Variants in CCM2L observed in about 807,000 individuals in gnomAD.
The protein encoded by CCM2L is CCM2 like scaffold protein.
Under a neutral mutation model 54.1 loss-of-function variants are expected in CCM2L, and 36 were observed. That is an observed-to-expected ratio of 0.67 (90% CI 0.51 to 0.88). CCM2L has a LOEUF of 0.88. Among genes scored for constraint, CCM2L ranks in the 40% least tolerant of loss-of-function variants. CCM2L has a pLI of 0.00. For missense variants in CCM2L, 700 were observed against 812.1 expected (o/e 0.86, Z 1.68); for synonymous variants, 351 against 359.3 (o/e 0.98, Z 0.26).
chr20:32,013,854 C>T (rs2064715156), intron 1 of CCM2L, among the ~76,000 whole-genome samples: 1 of 152,188 alleles, frequency 6.6e-6, no homozygotes. Flanking sequence ...TTGTTAAGCC[C>T]TAATTGCTGG....
intron 8 of CCM2L, among the ~76,000 whole-genome samples, chr20:32,029,375 A>G (rs2064897215): frequency 6.6e-6 from 1 of 152,082 alleles, no homozygotes; most frequent in African/African-American, 2.4e-5. Context: ...ATTTCTTTTA[A>G]TCTTTTCAAC....
Position 32,019,112 on chromosome 20 carries a change from G to A in CCM2L, c.636G>A (p.Ala212=). Residue 212 remains alanine (A), a synonymous_variant, in exon 5 of 10, where the codon GCG becomes GCA. Transcript: ENST00000452892. ...DWRMGWGGGA[A]EARAGGGGGG... ...GGATGGGGTGGGGTGGGGGCGCCGC[G>A]GAGGCCCGGGCCGGGGGAGGCGGCG... 8.5e-7 allele frequency: 1 copy of A among 1,169,972 alleles called. No homozygotes were observed. Among genetic ancestry groups the A allele is most frequent in the Non-Finnish European group, 1.1e-6 (1 of 947,988 alleles). 72.5% of individuals were successfully genotyped at this position (1,169,972 alleles called of 1,614,324 possible).
chr20:32,018,898 C>CT lies in CCM2L; in HGVS notation c.467-44dup, dbSNP rs1019943992. ...CGGCCTCGGCGGGGCGGGGGGGTCT[C>CT]TGAGTCCCGATCCCCGCGGCTGACG... is the stretch of plus-strand genomic sequence containing the variant. On this transcript the variant is annotated intron_variant, in intron 4 of 9. Transcript: ENST00000452892. The CT allele has an allele frequency of 6.3e-5, 80 of 1,260,590 alleles. 1 individual carries two copies. Among genetic ancestry groups the CT allele is most frequent in the Middle Eastern group, 6.2e-4 (2 of 3,250 alleles). 78.1% of individuals were successfully genotyped at this position (1,260,590 alleles called of 1,614,324 possible).
At chr20:32,014,789 C>T (rs2064724895) in intron 1 of CCM2L, 115 bp from the exon 2 acceptor site, 13 of 996,602 alleles carry the variant, frequency 1.3e-5, no homozygotes, top group Non-Finnish European at 1.9e-5. Flanking sequence ...CAGAGGTACC[C>T]CTTCTGCAGA....
At chr20:32,012,744 G>C (rs2064705031) in intron 1 of CCM2L, among the ~76,000 whole-genome samples, 1 of 152,200 alleles carries the variant, frequency 6.6e-6, no homozygotes, top group Non-Finnish European at 1.5e-5. Context: ...TAGGATCCAG[G>C]TCTCCACTGA....
intron 7 of CCM2L, chr20:32,027,877 G>A (rs1236974947): frequency 6.6e-6 from 1 of 152,264 alleles, no homozygotes; most frequent in Non-Finnish European, 1.5e-5. Context: ...CACATAGTAG[G>A]TGTTCAACAA....
At position 32,017,817 on chromosome 20, in the gene CCM2L, C is replaced by G; in HGVS notation, c.216C>G (p.Thr72=). ...EKEVKFLGHL[T]WVTSSLNPSS... is the part of the protein sequence containing the mutation. ...CCATCCAGTTCCTGGGCCACCTTAC[C>G]TGGGTGACTTCCTCACTGAACCCCT... Residue 72 remains threonine, a synonymous_variant, in exon 3 of 10, where the codon ACC becomes ACG. Coordinates refer to ENST00000452892, the MANE Select transcript of CCM2L (RefSeq NM_001365692.1). 1 of 1,614,128 alleles carries G rather than the reference C, an allele frequency of 6.2e-7. No homozygotes were observed.
At position 32,031,058 on chromosome 20, in the gene CCM2L, G is replaced by A; in HGVS notation, c.1460G>A (p.Gly487Asp). Reference protein sequence around the residue: ...DIGYFEGFLEGVGIREGGILT... With the variant: ...DIGYFEGFLEDVGIREGGILT... ...GGCTACTTCGAGGGCTTCCTGGAGG[G>A]CGTGGGCATCCGCGAGGGCGGCATC... Residue 487 changes from glycine to aspartate, a missense_variant, in exon 10 of 10, where the codon GGC becomes GAC. Gly to Asp is a moderately conservative substitution (Grantham distance 94, BLOSUM62 -1). Transcript: ENST00000452892. The A allele has an allele frequency of 1.5e-6, 2 of 1,304,256 alleles. No homozygotes were observed. Among genetic ancestry groups the A allele is most frequent in the Non-Finnish European group, 2.0e-6 (2 of 988,948 alleles). The allele number at this position is 1,304,256 out of a possible 1,614,324, so 80.8% of individuals were successfully genotyped here.
Position 32,015,045 on chromosome 20 carries a change from T to C in CCM2L, c.172T>C (p.Cys58Arg). 1 of 1,529,646 alleles carries C rather than the reference T, an allele frequency of 6.5e-7. No homozygotes were observed. Among genetic ancestry groups the C allele is most frequent in the Non-Finnish European group, 8.8e-7 (1 of 1,141,470 alleles). 94.8% of individuals were successfully genotyped at this position (1,529,646 alleles called of 1,614,324 possible). Residue 58 changes from cysteine (C) to arginine (R), a missense_variant, in exon 2 of 10, where the codon TGT becomes CGT. By Grantham distance (180) the Cys-to-Arg change is radical. Transcript: ENST00000452892. ...CCTCATCGACCCCCAGATTCTGCTG[T>C]GTGACTACCTGGAGAAAGAGGTCAA... ...DYLIDPQILL[C>R]DYLEKEVKFL...
chr20:32,022,566 C>T, intron 5 of CCM2L, 94 bp from the exon 6 acceptor site: 1 of 1,462,082 alleles, frequency 6.8e-7, no homozygotes. Context: ...AGGTGTGTAT[C>T]TTTGTGCGCA....
chr20:32,022,818 TCCCCTCCTGTG>T, intron 6 of CCM2L, 23 bp downstream of exon 6: 1 of 1,610,486 alleles, frequency 6.2e-7, no homozygotes, highest in South Asian at 1.1e-5. Context: ...ACTCCTGGCC[TCCCCTCCTGTG>T]AAACATCCCA....
Position 32,031,273 on chromosome 20 carries a change from T to C in CCM2L, c.1675T>C (p.Ser559Pro). 1.5e-6 allele frequency: 2 copies of C among 1,294,052 alleles called. No homozygotes were observed. The highest frequency in any genetic ancestry group is 2.0e-6 in the Non-Finnish European group (2 of 987,824). The allele number at this position is 1,294,052 out of a possible 1,614,324, so 80.2% of individuals were successfully genotyped here. A position where few individuals can be genotyped will look rare whatever the true frequency, so the allele number is the denominator to read the frequency against. ...DDDDEDEPRG[S>P]RGGSDAAEDN... ...CGACGACGAGGATGAGCCCCGGGGC[T>C]CCAGGGGCGGGAGCGACGCCGCAGA... The change falls in exon 10 of 10, where the codon TCC becomes CCC. Residue 559 changes from serine to proline, a missense_variant. Ser to Pro is a moderately conservative substitution (Grantham distance 74). Coordinates refer to ENST00000452892, the MANE Select transcript of CCM2L (RefSeq NM_001365692.1).
chr20:32,011,952 G>A (rs950926520), intron 1 of CCM2L, among the ~76,000 whole-genome samples: 1 of 151,422 alleles, frequency 6.6e-6, no homozygotes, highest in East Asian at 1.9e-4. Context: ...CTCCATAGCC[G>A]GCATTCAAGA....
chr20:32,010,574 C>T (rs1245172288), intron 1 of CCM2L, 90 bp downstream of exon 1: 9 of 1,066,560 alleles, frequency 8.4e-6, no homozygotes, highest in African/African-American at 1.6e-5. Context: ...GGGTCGGTAG[C>T]GAGGGGCATA....
intron 6 of CCM2L, among the ~76,000 whole-genome samples, chr20:32,024,768 A>C (rs1222844202): frequency 6.6e-6 from 1 of 152,232 alleles, no homozygotes; most frequent in African/African-American, 2.4e-5. Flanking sequence ...TGGAGGTTGT[A>C]GTGAGCAGAG....
chr20:32,021,935 TTTTTTA>T (rs1409046340), intron 5 of CCM2L, among the ~76,000 whole-genome samples: 1 of 152,216 alleles, frequency 6.6e-6, no homozygotes, highest in African/African-American at 2.4e-5. Flanking sequence ...TTCTTTGGGC[TTTTTTA>T]TTTTTATTTT....
intron 6 of CCM2L, among the ~76,000 whole-genome samples, chr20:32,025,056 C>CTTCTTTCTTTCTTTCT (rs75583214): frequency 1.6e-4 from 24 of 150,946 alleles, no homozygotes; most frequent in Middle Eastern, 3.4e-3. Flanking sequence ...TCTCTTTCTT[C>CTTCTTTCTTTCTTTCT]TTCTTTCTTT....
intron 4 of CCM2L, among the ~76,000 whole-genome samples, chr20:32,018,495 C>T (rs565142648): frequency 6.6e-6 from 1 of 150,832 alleles, no homozygotes; most frequent in Non-Finnish European, 1.5e-5. Context: ...AGTTACCACC[C>T]GGCTCTGAGG....
chr20:32,022,179 T>C (rs2064811618), intron 5 of CCM2L, among the ~76,000 whole-genome samples: 1 of 152,218 alleles, frequency 6.6e-6, no homozygotes, highest in Non-Finnish European at 1.5e-5. Flanking sequence ...ATTTATCCTG[T>C]TTCCATTTTC....
Sources: allele counts gnomAD v4.1 joint callset (sites outside exome capture counted in the v4.1 genomes callset), GRCh38; gene constraint gnomAD v4.1.1; transcripts MANE v1.5; gene names NCBI Gene and HGNC (gene_info 2026-07-23, HGNC 2026-07-21).